Variants in RFC1 observed in about 807,000 individuals in gnomAD.
RFC1 encodes replication factor C subunit 1.
RFC1 carries 37 observed loss-of-function variants against 137.4 expected under a neutral mutation model. That is an observed-to-expected ratio of 0.27 (90% confidence interval 0.21 to 0.35). The LOEUF (loss-of-function observed/expected upper bound fraction) is 0.35. Ranked by LOEUF, RFC1 falls within the 10% of genes least tolerant of loss-of-function variation. RFC1 has a pLI of 1.00. For synonymous variants in RFC1, 429 were observed against 455.7 expected (o/e 0.94, Z 0.75); for missense variants, 1,205 against 1,358.5 (o/e 0.89, Z 1.78).
chr4:39,308,861 C>T lies in RFC1; in HGVS notation c.1660G>A (p.Asp554Asn), dbSNP rs1738821812. Reference protein sequence around the residue: ...KETDVFWKSLDFKEQVAEETS... With the variant: ...KETDVFWKSLNFKEQVAEETS... ...TCCTCAGCCACCTGCTCCTTGAAATCCAGGCTTTTCCAAAACACATCTGTT... is the reference window on the plus strand; with the variant it reads ...TCCTCAGCCACCTGCTCCTTGAAATTCAGGCTTTTCCAAAACACATCTGTT... Residue 554 changes from aspartate (D) to asparagine (N), a missense_variant, in exon 13 of 25, where the codon GAT (aspartate) becomes AAT (asparagine). By Grantham distance (23) the Asp-to-Asn change is conservative (BLOSUM62 1). Transcript: ENST00000349703. The T allele has an allele frequency of 8.7e-6, 14 of 1,614,202 alleles. No individual in the cohort carries two copies. Among genetic ancestry groups the T allele is most frequent in the Non-Finnish European group, 1.2e-5 (14 of 1,180,048 alleles).
At chr4:39,345,186 T>C (rs534797613) in intron 3 of RFC1, among the ~76,000 whole-genome samples, 86 of 152,250 alleles carry the variant, frequency 5.6e-4, no homozygotes, top group African/African-American at 1.9e-3. Flanking sequence ...AGCTAATTTT[T>C]GTATTTTTAA....
rs893387872 is a variant in RFC1, at chr4:39,333,484, C to T, written c.332-5728G>A. Among the ~76,000 whole-genome samples the T allele has an allele frequency of 3.3e-5, 5 of 151,398 alleles. No homozygotes were observed. The East Asian group carries it at 5.8e-4, about 18-fold the overall frequency. The stretch of plus-strand genomic sequence containing the variant: ...GTATAAGCAACTGAAATGCTGAAAT[C>T]GGGGAAATTTTTATATAAATTATGG... On this transcript the variant is annotated intron_variant, in intron 4 of 24. Coordinates refer to ENST00000349703, the MANE Select transcript of RFC1 (RefSeq NM_002913.5).
chr4:39,302,714 A>G lies in RFC1; in HGVS notation c.2340+23T>C, dbSNP rs201674303. ...TTAAATAAATAGGCTAGTGTGATGG[A>G]AAAAAAATTTCAATCATCATACCTT... On this transcript the variant is annotated intron_variant, in intron 17 of 24. Coordinates refer to ENST00000349703, the MANE Select transcript of RFC1 (RefSeq NM_002913.5). 4.3e-4 allele frequency: 671 copies of G among 1,549,238 alleles called. 5 individuals carry two copies. The African/African-American group carries it at 8.5e-3, about 20-fold the overall frequency.
intron 1 of RFC1, among the ~76,000 whole-genome samples, chr4:39,362,844 C>G (rs1741825410): frequency 6.6e-6 from 1 of 152,192 alleles, no homozygotes; most frequent in Non-Finnish European, 1.5e-5. Context: ...ACTCAAAAGA[C>G]AGAGAGAGAA....
chr4:39,293,733 A>C (rs1466248574), intron 22 of RFC1, among the ~76,000 whole-genome samples: 1 of 152,158 alleles, frequency 6.6e-6, no homozygotes, highest in Non-Finnish European at 1.5e-5. Flanking sequence ...AATAGCCATA[A>C]AACAACCCGG....
intron 16 of RFC1, 40 bp downstream of exon 16, chr4:39,303,020 T>C: frequency 6.5e-7 from 1 of 1,531,732 alleles, no homozygotes; most frequent in Non-Finnish European, 9.0e-7. Context: ...CAATCTAAAT[T>C]ATCAACAGTG....
chr4:39,353,270 G>A (rs573060543), intron 1 of RFC1, among the ~76,000 whole-genome samples: 2 of 151,760 alleles, frequency 1.3e-5, no homozygotes, highest in South Asian at 4.2e-4. Context: ...GCACGGTGGT[G>A]CATGCCTATA....
intron 15 of RFC1, 25 bp from the exon 16 acceptor site, chr4:39,303,176 G>T: frequency 2.0e-6 from 3 of 1,523,378 alleles, no homozygotes; most frequent in Non-Finnish European, 2.7e-6. Flanking sequence ...GGAGCAATGG[G>T]ATGAGACAAA....
At chr4:39,316,789 A>G in intron 10 of RFC1, 126 bp downstream of exon 10, 2 of 591,542 alleles carry the variant, frequency 3.4e-6, no homozygotes, top group Non-Finnish European at 6.0e-6. Context: ...TGAAGACAGT[A>G]ACTGAAGCTT....
chr4:39,322,861 A>C (rs1739589513), intron 7 of RFC1, among the ~76,000 whole-genome samples: 1 of 152,100 alleles, frequency 6.6e-6, no homozygotes, highest in Admixed American at 6.5e-5. Flanking sequence ...AGGCAGGAGA[A>C]TCACTTGAAC....
At chr4:39,353,237 C>T (rs1358781830) in intron 1 of RFC1, among the ~76,000 whole-genome samples, 1 of 151,694 alleles carries the variant, frequency 6.6e-6, no homozygotes, top group Non-Finnish European at 1.5e-5. Flanking sequence ...CCCATTTCTA[C>T]TAAAAATATG....
chr4:39,304,133 T>C lies in RFC1; in HGVS notation c.2110+681A>G, dbSNP rs17335292. On this transcript the variant is annotated intron_variant, in intron 15 of 24. Coordinates refer to ENST00000349703, the MANE Select transcript of RFC1 (RefSeq NM_002913.5). Reference sequence around the variant, plus strand: ...CCTGAGCAAATTATTTTGAACAATGTGAAGGCACCAAGAATTCAGGTGACA... The same window carrying C: ...CCTGAGCAAATTATTTTGAACAATGCGAAGGCACCAAGAATTCAGGTGACA... Among the ~76,000 whole-genome samples, 1,272 of 152,308 alleles carry C rather than the reference T, an allele frequency of 8.4e-3. 16 individuals are homozygous for C. The highest frequency in any genetic ancestry group is 0.029 in the African/African-American group (1,191 of 41,564).
intron 4 of RFC1, among the ~76,000 whole-genome samples, chr4:39,339,126 G>A (rs550634541): frequency 3.3e-5 from 5 of 151,330 alleles, no homozygotes; most frequent in South Asian, 4.2e-4. Context: ...TACATATACC[G>A]CAATTCCTTC....
intron 1 of RFC1, among the ~76,000 whole-genome samples, chr4:39,353,662 G>A (rs1013157596): frequency 6.6e-6 from 1 of 152,116 alleles, no homozygotes; most frequent in Admixed American, 6.6e-5. Flanking sequence ...TATTGCTTCT[G>A]GAGCAAATGA....
chr4:39,327,587 A>C lies in RFC1; in HGVS notation c.501T>G (p.Asp167Glu). The change falls in exon 5 of 25, where the codon GAT becomes GAG. Residue 167 changes from aspartate (D) to glutamate (E), a missense_variant. Physicochemically the swap from Asp to Glu is conservative, Grantham distance 45 (BLOSUM62 2). Coordinates refer to ENST00000349703, the MANE Select transcript of RFC1 (RefSeq NM_002913.5). ...TTTGGACACTTCCAGTTCCAAAATAATCAAGTACTGATGTGGGTGTAAGTT... is the reference window on the plus strand; with the variant it reads ...TTTGGACACTTCCAGTTCCAAAATACTCAAGTACTGATGTGGGTGTAAGTT... ...PIKLTPTSVL[D>E]YFGTGSVQRS... The C allele has an allele frequency of 6.2e-7, 1 of 1,613,756 alleles. No individual in the cohort carries two copies. Among genetic ancestry groups the C allele is most frequent in the South Asian group, 1.1e-5 (1 of 91,006 alleles).
At chr4:39,296,885 C>T (rs1168394391) in intron 21 of RFC1, among the ~76,000 whole-genome samples, 5 of 151,036 alleles carry the variant, frequency 3.3e-5, no homozygotes, top group Middle Eastern at 6.3e-3. Flanking sequence ...TAAAAGTGTT[C>T]CTATTTCTCC....
intron 15 of RFC1, among the ~76,000 whole-genome samples, chr4:39,304,532 T>G (rs552108607): frequency 6.6e-6 from 1 of 152,314 alleles, no homozygotes; most frequent in African/African-American, 2.4e-5. Context: ...TTTTTTATTT[T>G]CTTTCTCTCT....
chr4:39,348,088 G>A (rs1166000921), intron 2 of RFC1, among the ~76,000 whole-genome samples: 3 of 152,076 alleles, frequency 2.0e-5, no homozygotes, highest in Non-Finnish European at 4.4e-5. Context: ...ACCAGAACTT[G>A]AAGATTTGTA....
chr4:39,359,401 T>C (rs1405595680), intron 1 of RFC1, among the ~76,000 whole-genome samples: 3 of 152,206 alleles, frequency 2.0e-5, no homozygotes, highest in African/African-American at 7.2e-5. Context: ...AATGAATTAA[T>C]GGCATTCGCA....
Sources: gnomAD v4.1 joint callset for allele counts (sites outside exome capture counted in the v4.1 genomes callset) on GRCh38, gnomAD v4.1.1 for gene constraint, MANE v1.5 for transcripts, NCBI Gene and HGNC (gene_info 2026-07-23, HGNC 2026-07-21) for gene names.